PCDHA7: variants seen among roughly 807,000 people sequenced by gnomAD.
The protein encoded by PCDHA7 is protocadherin alpha 7.
A neutral mutation model predicts 57.2 loss-of-function variants in PCDHA7; 37 were observed. That is an observed-to-expected ratio of 0.65 (90% CI 0.50 to 0.85). The LOEUF (loss-of-function observed/expected upper bound fraction) is 0.85, where lower values mean the gene tolerates loss of function less well. Among genes scored for constraint, PCDHA7 ranks in the 40% least tolerant of loss-of-function variants. The pLI is 0.00. For synonymous variants in PCDHA7, 553 were observed against 558.8 expected (o/e 0.99, Z 0.15); for missense variants, 1,188 against 1,241.8 (o/e 0.96, Z 0.65).
intron 1 of PCDHA7, among the ~76,000 whole-genome samples, chr5:140,942,138 T>C (rs1269073266): frequency 1.3e-5 from 2 of 152,240 alleles, no homozygotes; most frequent in African/African-American, 4.8e-5. Flanking sequence ...TTTGTGGCTT[T>C]ACTTGACATA....
At chr5:140,854,330 T>A in intron 1 of PCDHA7, 1 of 213,708 alleles carries the variant, frequency 4.7e-6, no homozygotes, top group Non-Finnish European at 8.0e-6. Flanking sequence ...GCAAACTTAT[T>A]TTACGCTCCA....
chr5:140,927,213 G>C (rs1384969721), intron 1 of PCDHA7: 11 of 1,614,000 alleles, frequency 6.8e-6, no homozygotes, highest in Non-Finnish European at 9.3e-6. Flanking sequence ...CGCTGGAGCT[G>C]CACAAGATTC....
chr5:140,996,453 C>A (rs1289648745), intron 3 of PCDHA7, among the ~76,000 whole-genome samples: 2 of 152,160 alleles, frequency 1.3e-5, no homozygotes, highest in African/African-American at 4.8e-5. Flanking sequence ...AGTTGTGGTG[C>A]TAAGGGAGGA....
intron 1 of PCDHA7, among the ~76,000 whole-genome samples, chr5:140,905,788 G>T (rs1217429620): frequency 2.6e-5 from 4 of 152,046 alleles, no homozygotes; most frequent in Non-Finnish European, 4.4e-5. Flanking sequence ...ATTAGTCAGG[G>T]TTCTCTAGAG....
intron 3 of PCDHA7, among the ~76,000 whole-genome samples, chr5:140,998,540 T>TA (rs1304307081): frequency 6.6e-6 from 1 of 151,542 alleles, no homozygotes; most frequent in African/African-American, 2.4e-5. Context: ...CCCTAATTCC[T>TA]AATTTAATGT....
chr5:140,902,290 A>G (rs1252691615), intron 1 of PCDHA7, among the ~76,000 whole-genome samples: 1 of 146,394 alleles, frequency 6.8e-6, no homozygotes, highest in Non-Finnish European at 1.5e-5. Context: ...CTCCTGCCTC[A>G]GCCTCCCAAA....
chr5:140,848,919 A>C, intron 1 of PCDHA7: 1 of 1,608,020 alleles, frequency 6.2e-7, no homozygotes, highest in Non-Finnish European at 8.5e-7. Flanking sequence ...GAATCTGTTC[A>C]TCGCGGAATC....
chr5:140,925,061 C>T (rs968376229), intron 1 of PCDHA7, among the ~76,000 whole-genome samples: 2 of 147,510 alleles, frequency 1.4e-5, no homozygotes, highest in Non-Finnish European at 3.0e-5. Context: ...GACTGGGCAA[C>T]AAAGCAACAC....
Position 140,843,074 on chromosome 5 carries a change from G to T in PCDHA7, c.2355+6336G>T. On this transcript the variant is annotated intron_variant, in intron 1 of 3. Coordinates refer to ENST00000525929, the MANE Select transcript of PCDHA7 (RefSeq NM_018910.3). ...AGCGAGCAAGCTGGTGCCGCGGTCT[G>T]TGGGCGCGGGCCACGTGGTAGCGAA... is the stretch of plus-strand genomic sequence containing the variant. The T allele has an allele frequency of 3.1e-6, 5 of 1,595,392 alleles. 1 individual carries two copies. Among genetic ancestry groups the T allele is most frequent in the Non-Finnish European group, 4.3e-6 (5 of 1,165,320 alleles).
At chr5:140,990,097 T>C (rs2097373826) in intron 3 of PCDHA7, among the ~76,000 whole-genome samples, 1 of 151,922 alleles carries the variant, frequency 6.6e-6, no homozygotes, top group African/African-American at 2.4e-5. Flanking sequence ...GTGCTACTAT[T>C]GAAACAGGAA....
chr5:140,861,875 G>A (rs536316247), intron 1 of PCDHA7: 3 of 156,086 alleles, frequency 1.9e-5, no homozygotes, highest in African/African-American at 7.2e-5. Context: ...TGGGGGCGAA[G>A]CTGAGCTGAC....
chr5:140,853,149 G>C, intron 1 of PCDHA7: 1 of 844,586 alleles, frequency 1.2e-6, no homozygotes, highest in Non-Finnish European at 1.5e-6. Flanking sequence ...AAAATGCTGG[G>C]ATTACAGGCG....
chr5:140,937,089 G>A (rs2091320544), intron 1 of PCDHA7, among the ~76,000 whole-genome samples: 1 of 149,070 alleles, frequency 6.7e-6, no homozygotes, highest in African/African-American at 2.5e-5. Context: ...CCAGGCTGGA[G>A]TGCAGTGGCG....
intron 1 of PCDHA7, chr5:140,966,679 G>T: frequency 1.5e-6 from 2 of 1,317,678 alleles, no homozygotes; most frequent in Admixed American, 3.8e-5. Context: ...AGGGTGGCAC[G>T]AGCGGAGGCG....
chr5:140,839,516 A>G (rs2150298514), intron 1 of PCDHA7, among the ~76,000 whole-genome samples: 7 of 151,942 alleles, frequency 4.6e-5, no homozygotes, highest in African/African-American at 1.7e-4. Context: ...CAGCCTCTCA[A>G]GTTGCTGGGA....
intron 1 of PCDHA7, among the ~76,000 whole-genome samples, chr5:140,874,013 A>C (rs2054638776): frequency 6.6e-6 from 1 of 152,248 alleles, no homozygotes; most frequent in Non-Finnish European, 1.5e-5. Flanking sequence ...ACCACTTTTG[A>C]AAATGAAAAA....
chr5:140,889,561 C>A (rs1170749193), intron 1 of PCDHA7, among the ~76,000 whole-genome samples: 1 of 151,898 alleles, frequency 6.6e-6, no homozygotes, highest in African/African-American at 2.4e-5. Flanking sequence ...CTTCAGAATT[C>A]TGCTTTCTGA....
At chr5:140,879,910 T>C (rs2058174335) in intron 1 of PCDHA7, among the ~76,000 whole-genome samples, 1 of 152,194 alleles carries the variant, frequency 6.6e-6, no homozygotes, top group Non-Finnish European at 1.5e-5. Context: ...TCTCTATGTG[T>C]TGGTTTTACA....
intron 1 of PCDHA7, among the ~76,000 whole-genome samples, chr5:140,855,055 T>C (rs562005171): frequency 2.0e-5 from 3 of 150,120 alleles, no homozygotes; most frequent in African/African-American, 7.3e-5. Flanking sequence ...AGTACTTTTC[T>C]GTTTTCTTAA....
Sources: allele counts gnomAD v4.1 joint callset (sites outside exome capture counted in the v4.1 genomes callset), GRCh38; gene constraint gnomAD v4.1.1; transcripts MANE v1.5; gene names NCBI Gene and HGNC (gene_info 2026-07-23, HGNC 2026-07-21).